Variants in ALDH16A1 observed in about 807,000 individuals in gnomAD.
ALDH16A1 encodes the protein aldehyde dehydrogenase 16 family member A1.
Under a neutral mutation model 96.1 loss-of-function variants are expected in ALDH16A1, and 88 were observed. That is an observed-to-expected ratio of 0.92 (90% CI 0.77 to 1.09). ALDH16A1 has a LOEUF of 1.09. ALDH16A1 is among the 50% of genes least tolerant of loss of function. The pLI, the probability that ALDH16A1 is intolerant of heterozygous loss-of-function variation, is 0.00. For missense variants in ALDH16A1, 1,250 were observed against 1,112.6 expected (o/e 1.12, Z -1.76); for synonymous variants, 522 against 496.4 (o/e 1.05, Z -0.69).
In ALDH16A1 at chr19:49,453,415, C is replaced by A; in HGVS notation, c.84C>A (p.Cys28Ter). ...EYGPVPESHA[C>*]ALAWLDTQDR... ...GACCGGTGCCGGAGAGCCACGCATGCGCACTGGTGAGAGTCTGCCCGGCCG... is the reference window on the plus strand; with the variant it reads ...GACCGGTGCCGGAGAGCCACGCATGAGCACTGGTGAGAGTCTGCCCGGCCG... Residue 28 changes from cysteine (C) to a stop codon, truncating the protein, a stop_gained, in exon 1 of 17, where the codon TGC becomes TGA. Coordinates refer to ENST00000293350, the MANE Select transcript of ALDH16A1 (RefSeq NM_153329.4). LOFTEE classifies it high-confidence loss of function. 1.3e-6 allele frequency: 2 copies of A among 1,549,564 alleles called. No homozygotes were observed. Among genetic ancestry groups the A allele is most frequent in the East Asian group, 2.4e-5 (1 of 41,620 alleles).
At chr19:49,460,107 C>G (rs190652851) in intron 4 of ALDH16A1, among the ~76,000 whole-genome samples, 7 of 152,042 alleles carry the variant, frequency 4.6e-5, no homozygotes, top group East Asian at 1.9e-4. Context: ...GAAGAGGGGT[C>G]TCATCATGTT....
At chr19:49,469,102 T>A (rs964061191) in intron 16 of ALDH16A1, 116 bp downstream of exon 16, 29 of 1,447,396 alleles carry the variant, frequency 2.0e-5, no homozygotes, top group Middle Eastern at 1.8e-4. Flanking sequence ...GAGAAACTCC[T>A]TGACAAGAAG....
At position 49,460,496 on chromosome 19, in the gene ALDH16A1, C is replaced by A. The variant is rs745392373; in HGVS notation, c.500-326C>A. Among the ~76,000 whole-genome samples, 20 of 151,016 alleles carry A rather than the reference C, an allele frequency of 1.3e-4. No individual in the cohort carries two copies. The East Asian group carries it at 1.6e-3, about 12-fold the overall frequency. On this transcript the variant is annotated intron_variant, in intron 4 of 16. Coordinates refer to ENST00000293350, the MANE Select transcript of ALDH16A1 (RefSeq NM_153329.4). ...GTGGTGCGATCTCGGCTCACTGGAA[C>A]CTCCGCCTCCCGTGTTCAAGTGATT...
At chr19:49,458,755 G>C (rs2079119967) in intron 2 of ALDH16A1, among the ~76,000 whole-genome samples, 167 bp downstream of exon 2, 1 of 152,208 alleles carries the variant, frequency 6.6e-6, no homozygotes, top group African/African-American at 2.4e-5. Flanking sequence ...CCCTAATTAT[G>C]GTTCCGGGTC....
intron 1 of ALDH16A1, among the ~76,000 whole-genome samples, chr19:49,455,481 C>A (rs2079100267): frequency 6.7e-6 from 1 of 149,222 alleles, no homozygotes; most frequent in South Asian, 2.1e-4. Flanking sequence ...GCAGCACACA[C>A]CTGTAGTCCC....
intron 12 of ALDH16A1, among the ~76,000 whole-genome samples, chr19:49,465,241 C>T (rs999421280): frequency 6.6e-6 from 1 of 150,824 alleles, no homozygotes; most frequent in South Asian, 2.1e-4. Context: ...CCTCCAGAGG[C>T]TCATGGGAGC....
At chr19:49,454,686 G>C (rs2079094215) in intron 1 of ALDH16A1, among the ~76,000 whole-genome samples, 1 of 152,206 alleles carries the variant, frequency 6.6e-6, no homozygotes, top group African/African-American at 2.4e-5. Flanking sequence ...GGAGGCCAGA[G>C]CAATGATCCA....
chr19:49,462,281 G>C (rs9710631), intron 7 of ALDH16A1, among the ~76,000 whole-genome samples: 7 of 151,844 alleles, frequency 4.6e-5, no homozygotes, highest in East Asian at 3.9e-4. Flanking sequence ...ATTACAGGCG[G>C]GCACCACCAT....
intron 1 of ALDH16A1, among the ~76,000 whole-genome samples, chr19:49,457,562 A>AG (rs1568647858): frequency 6.7e-6 from 1 of 149,858 alleles, no homozygotes; most frequent in African/African-American, 2.5e-5. Flanking sequence ...AAAAAAAAAA[A>AG]AAAGAAAGAA....
intron 6 of ALDH16A1, 37 bp from the exon 7 acceptor site, chr19:49,461,847 A>G (rs1229331411): frequency 1.3e-6 from 2 of 1,598,714 alleles, no homozygotes; most frequent in African/African-American, 2.7e-5. Flanking sequence ...GGGGGCCGCA[A>G]GGCTCCTCCT....
In ALDH16A1 at chr19:49,464,527, G is replaced by A. The variant is rs201084975; in HGVS notation, c.1437+5G>A. The A allele has an allele frequency of 5.8e-5, 93 of 1,613,664 alleles. 1 individual carries two copies. The East Asian group carries it at 2.0e-3, about 35-fold the overall frequency. ...TCCTGGCACGGGGGCCCAGACGTGA[G>A]TACATCCCCTCCCCGTCACCAGCCC... On this transcript the variant is annotated splice_donor_5th_base_variant and intron_variant, in intron 11 of 16. Coordinates refer to ENST00000293350, the MANE Select transcript of ALDH16A1 (RefSeq NM_153329.4).
intron 1 of ALDH16A1, 124 bp from the exon 2 acceptor site, chr19:49,458,362 G>T: frequency 1.4e-6 from 1 of 708,604 alleles, no homozygotes; most frequent in Admixed American, 2.7e-5. Context: ...AAAGCAATAG[G>T]AGGAAAAGAA....
chr19:49,468,241 G>A lies in ALDH16A1; in HGVS notation c.1939-140G>A, dbSNP rs113102539. 1,520 of 784,958 alleles carry A rather than the reference G, an allele frequency of 1.9e-3. 14 individuals carry two copies. In the African/African-American group the frequency reaches 0.023, roughly 12 times the overall value. The allele number at this position is 784,958 out of a possible 1,614,324, so 48.6% of individuals were successfully genotyped here. ...CGTGGAATGATTCACTTTGACCAGCGTCTGCGAAATGGCAGGGGCTTCCAC... is the reference window on the plus strand; with the variant it reads ...CGTGGAATGATTCACTTTGACCAGCATCTGCGAAATGGCAGGGGCTTCCAC... On this transcript the variant is annotated intron_variant, in intron 14 of 16. Coordinates refer to ENST00000293350, the MANE Select transcript of ALDH16A1 (RefSeq NM_153329.4). The surrounding 1 kb of genome is among the most constrained non-coding windows in gnomAD (Gnocchi z 4.4).
At chr19:49,462,154 C>T (rs1168400293) in intron 7 of ALDH16A1, 118 bp downstream of exon 7, 40 of 1,355,694 alleles carry the variant, frequency 3.0e-5, no homozygotes, top group South Asian at 4.7e-5. Flanking sequence ...TATTTTGAGA[C>T]GGAGTTTCAC....
Position 49,468,758 on chromosome 19 carries a change from C to T in ALDH16A1, c.2125-106C>T. 2.1e-6 allele frequency: 3 copies of T among 1,426,408 alleles called. No homozygotes were observed. Among genetic ancestry groups the T allele is most frequent in the South Asian group, 1.3e-5 (1 of 78,062 alleles). 88.4% of individuals were successfully genotyped at this position (1,426,408 alleles called of 1,614,324 possible). A position where few individuals can be genotyped will look rare whatever the true frequency, so the allele number is the denominator to read the frequency against. ...CTTCACCCTAGGCCTGGGGCTTTCT[C>T]CTCCATGACCCCCCATCCCCTTCCC... On this transcript the variant is annotated intron_variant, in intron 15 of 16. Coordinates refer to ENST00000293350, the MANE Select transcript of ALDH16A1 (RefSeq NM_153329.4). This position sits in a 1 kb window ranked among gnomAD's most constrained non-coding sequence, Gnocchi z 4.4.
chr19:49,456,087 AC>A (rs2079103431), intron 1 of ALDH16A1, among the ~76,000 whole-genome samples: 1 of 152,120 alleles, frequency 6.6e-6, no homozygotes, highest in Admixed American at 6.5e-5. Context: ...GCCTCCTGGA[AC>A]CCTCTGGACA....
rs910663716 is a variant in ALDH16A1, at chr19:49,462,029, G to A, written c.905G>A (p.Arg302His). ...GTCGTGGACGCCGCCTGGTCCGACCGCGGCCCGGTGAGACCCGTGCGCTCC... is the reference window on the plus strand; with the variant it reads ...GTCGTGGACGCCGCCTGGTCCGACCACGGCCCGGTGAGACCCGTGCGCTCC... ...EGVVDAAWSDRGPGGLRLLIQ... is the reference protein window; with the variant it reads ...EGVVDAAWSDHGPGGLRLLIQ... The change falls in exon 7 of 17, where the codon CGC becomes CAC. Residue 302 changes from arginine to histidine, a missense_variant. Coordinates refer to ENST00000293350, the MANE Select transcript of ALDH16A1 (RefSeq NM_153329.4). 111 of 1,540,838 alleles carry A rather than the reference G, an allele frequency of 7.2e-5. No individual in the cohort carries two copies. Among genetic ancestry groups the A allele is most frequent in the South Asian group, 1.2e-4 (10 of 84,212 alleles).
chr19:49,470,641 C>A lies in ALDH16A1; in HGVS notation c.*174C>A. ...GTAGCAACTTCTGGCAGATATGAGG[C>A]TTTTTTCTTTTTTTTTTTTTTTTTT... On this transcript the variant is annotated 3_prime_UTR_variant, in exon 17 of 17. Transcript: ENST00000293350. The A allele has an allele frequency of 4.1e-6, 2 of 493,488 alleles. No individual in the cohort carries two copies. Among genetic ancestry groups the A allele is most frequent in the Non-Finnish European group, 6.2e-6 (2 of 323,502 alleles). 30.6% of individuals were successfully genotyped at this position (493,488 alleles called of 1,614,324 possible). A position where few individuals can be genotyped will look rare whatever the true frequency, so the allele number is the denominator to read the frequency against.
rs535005316 is a variant in ALDH16A1, at chr19:49,468,878, G to A, written c.2139G>A (p.Val713=). 6.2e-7 allele frequency: 1 copy of A among 1,613,676 alleles called. No individual in the cohort carries two copies. The highest frequency in any genetic ancestry group is 1.7e-5 in the Admixed American group (1 of 59,982). ...ALEVCQDMAT[V]FPAGLANVVT... The stretch of plus-strand genomic sequence containing the variant: ...CTATCCCCTAGGACATGGCCACCGT[G>A]TTCCCAGCAGGCCTGGCCAACGTGG... The change falls in exon 16 of 17, where the codon GTG becomes GTA. Residue 713 remains valine, a synonymous_variant. Transcript: ENST00000293350. This position sits in a 1 kb window ranked among gnomAD's most constrained non-coding sequence, Gnocchi z 4.4.
Sources: gnomAD v4.1 joint callset for allele counts (sites outside exome capture counted in the v4.1 genomes callset) on GRCh38, gnomAD v4.1.1 for gene constraint, Gnocchi (gnomAD v3.1) non-coding constraint, MANE v1.5 for transcripts, NCBI Gene and HGNC (gene_info 2026-07-23, HGNC 2026-07-21) for gene names.